Variants in PGM5 observed in about 807,000 individuals in gnomAD.
PGM5 encodes phosphoglucomutase 5.
In PGM5, 23 loss-of-function variants were observed where a neutral mutation model predicts 59.2. The observed-to-expected ratio is 0.39, with a 90% CI of 0.28 to 0.55. The LOEUF (loss-of-function observed/expected upper bound fraction) is 0.55, where lower values mean the gene tolerates loss of function less well. Among genes scored for constraint, PGM5 ranks in the 20% least tolerant of loss-of-function variants. The pLI is 0.66. For missense variants in PGM5, 574 were observed against 748.3 expected, an observed-to-expected ratio of 0.77 and a Z score of 2.72; for synonymous variants, 214 against 286.0, an observed-to-expected ratio of 0.75 and a Z score of 2.54.
chr9:68,391,334 T>C (rs1730002973), intron 4 of PGM5, among the ~76,000 whole-genome samples, 200 bp from the exon 5 acceptor site: 1 of 152,114 alleles, frequency 6.6e-6, no homozygotes, highest in Non-Finnish European at 1.5e-5. Flanking sequence ...TCTGTATTCC[T>C]ACCACAGTAA....
intron 1 of PGM5, among the ~76,000 whole-genome samples, chr9:68,358,220 T>C (rs1465277752): frequency 1.3e-4 from 20 of 152,244 alleles, no homozygotes; most frequent in Non-Finnish European, 2.2e-4. Context: ...CAACATTTCA[T>C]GCCTCTTCCC....
chr9:68,453,568 C>T (rs776832120), intron 6 of PGM5, among the ~76,000 whole-genome samples: 1 of 152,178 alleles, frequency 6.6e-6, no homozygotes, highest in Non-Finnish European at 1.5e-5. Flanking sequence ...AACTCCTGGG[C>T]TCAAGCTATC....
Position 68,500,868 on chromosome 9 carries a change from G to A in PGM5, c.1614+1507G>A, listed in dbSNP as rs147840584. ...ATTTGCTTATTTTTATTTACCCTCC[G>A]CACTGGACTGAGACCAGGCCATTAG... On this transcript the variant is annotated intron_variant, in intron 10 of 10. Coordinates refer to ENST00000396396, the MANE Select transcript of PGM5 (RefSeq NM_021965.4). 1.4e-3 allele frequency among the ~76,000 whole-genome samples: 207 copies of A among 152,080 alleles called. 1 individual carries two copies. The highest frequency in any genetic ancestry group is 4.8e-3 in the African/African-American group (200 of 41,474).
chr9:68,482,641 G>A lies in PGM5; in HGVS notation c.1296-1224G>A, dbSNP rs1032702798. ...ACATCCTTTCTCTATGCTACAGGAAGCCCAAATGTAAGATCCTCCAAGTGA... is the reference window on the plus strand; with the variant it reads ...ACATCCTTTCTCTATGCTACAGGAAACCCAAATGTAAGATCCTCCAAGTGA... On this transcript the variant is annotated intron_variant, in intron 8 of 10. Transcript: ENST00000396396. Among the ~76,000 whole-genome samples the A allele has an allele frequency of 5.3e-5, 8 of 152,200 alleles. No individual in the cohort carries two copies. The South Asian group carries it at 1.2e-3, about 24-fold the overall frequency.
At chr9:68,503,710 T>C (rs1453326703) in intron 10 of PGM5, among the ~76,000 whole-genome samples, 1 of 152,136 alleles carries the variant, frequency 6.6e-6, no homozygotes, top group African/African-American at 2.4e-5. Flanking sequence ...AGAGGGAACA[T>C]ACAGAAATGA....
chr9:68,414,727 A>C lies in PGM5; in HGVS notation c.1043+22254A>C, dbSNP rs531184505. On this transcript the variant is annotated intron_variant, in intron 6 of 10. Coordinates refer to ENST00000396396, the MANE Select transcript of PGM5 (RefSeq NM_021965.4). ...GTTAAGGTACACTGGTGGTACGAAG[A>C]AGGGACGAATCAGTTTTGCCTAAGA... 5.9e-5 allele frequency among the ~76,000 whole-genome samples: 9 copies of C among 151,904 alleles called. No homozygotes were observed. In the South Asian group the frequency reaches 1.9e-3, roughly 32 times the overall value.
chr9:68,451,618 G>GA (rs1222628398), intron 6 of PGM5, among the ~76,000 whole-genome samples: 1 of 152,256 alleles, frequency 6.6e-6, no homozygotes, highest in East Asian at 1.9e-4. Flanking sequence ...CACACAATTG[G>GA]AAAAAATAAA....
At chr9:68,406,672 A>ACC (rs1822818655) in intron 6 of PGM5, among the ~76,000 whole-genome samples, 2 of 6,508 alleles carry the variant, frequency 3.1e-4, no homozygotes, top group African/African-American at 1.3e-3. Flanking sequence ...ATATATATAT[A>ACC]TATATGTATA....
chr9:68,502,653 T>C (rs1230635550), intron 10 of PGM5, among the ~76,000 whole-genome samples: 2 of 152,180 alleles, frequency 1.3e-5, no homozygotes, highest in African/African-American at 4.8e-5. Context: ...CCCCCAGTCT[T>C]CCTGAAAATT....
chr9:68,458,452 A>G (rs1823811550), intron 6 of PGM5, among the ~76,000 whole-genome samples: 1 of 152,246 alleles, frequency 6.6e-6, no homozygotes, highest in Non-Finnish European at 1.5e-5. Context: ...TGAGACATGC[A>G]GTTATCTTTT....
intron 3 of PGM5, among the ~76,000 whole-genome samples, chr9:68,385,107 AT>A (rs1822181818): frequency 6.6e-6 from 1 of 151,978 alleles, no homozygotes; most frequent in Non-Finnish European, 1.5e-5. Flanking sequence ...CCAAAATGAG[AT>A]TGTCAAAAAT....
chr9:68,371,104 G>A lies in PGM5; in HGVS notation c.262-7095G>A, dbSNP rs201827889. On this transcript the variant is annotated intron_variant, in intron 1 of 10. Coordinates refer to ENST00000396396, the MANE Select transcript of PGM5 (RefSeq NM_021965.4). ...GGGTCCACTTTGCCCCCTTTTCCGCGTGGGAGTTGAAGGAAATGCCCCTTA... is the reference window on the plus strand; with the variant it reads ...GGGTCCACTTTGCCCCCTTTTCCGCATGGGAGTTGAAGGAAATGCCCCTTA... 5.9e-5 allele frequency among the ~76,000 whole-genome samples: 9 copies of A among 152,250 alleles called. No individual in the cohort carries two copies. In the East Asian group the frequency reaches 1.4e-3, roughly 23 times the overall value.
At chr9:68,429,970 A>G (rs1823314591) in intron 6 of PGM5, among the ~76,000 whole-genome samples, 1 of 152,226 alleles carries the variant, frequency 6.6e-6, no homozygotes, top group Non-Finnish European at 1.5e-5. Flanking sequence ...TGTTGCTGGA[A>G]GAAGGAACAG....
At chr9:68,526,324 T>A (rs1824973653) in intron 10 of PGM5, among the ~76,000 whole-genome samples, 1 of 152,206 alleles carries the variant, frequency 6.6e-6, no homozygotes, top group Non-Finnish European at 1.5e-5. Flanking sequence ...GGCTCTTGGC[T>A]CAGGATGGGA....
At chr9:68,473,890 C>T (rs903913004) in intron 7 of PGM5, among the ~76,000 whole-genome samples, 1 of 152,094 alleles carries the variant, frequency 6.6e-6, no homozygotes, top group African/African-American at 2.4e-5. Context: ...GAGAACCCCC[C>T]CATGTGAGCA....
chr9:68,499,458 A>G (rs921902236), intron 10 of PGM5, 97 bp downstream of exon 10: 6 of 1,246,614 alleles, frequency 4.8e-6, no homozygotes, highest in Non-Finnish European at 6.7e-6. Context: ...TACCTCCTGG[A>G]AAGGTACATG....
At chr9:68,453,093 G>A (rs1823722598) in intron 6 of PGM5, among the ~76,000 whole-genome samples, 1 of 152,206 alleles carries the variant, frequency 6.6e-6, no homozygotes, top group African/African-American at 2.4e-5. Flanking sequence ...GGTGCTCTGT[G>A]TAAATGTGAG....
At position 68,522,152 on chromosome 9, in the gene PGM5, G is replaced by A. The variant is rs1824908219; in HGVS notation, c.1615-7415G>A. On this transcript the variant is annotated intron_variant, in intron 10 of 10. Coordinates refer to ENST00000396396, the MANE Select transcript of PGM5 (RefSeq NM_021965.4). Reference sequence around the variant, plus strand: ...CACCTGTAATCCCAGCTACTCAGGAGGCTGGGGCAGTAGAATTGCTTGAAC... The same window carrying A: ...CACCTGTAATCCCAGCTACTCAGGAAGCTGGGGCAGTAGAATTGCTTGAAC... Among the ~76,000 whole-genome samples, 4 of 152,166 alleles carry A rather than the reference G, an allele frequency of 2.6e-5. No individual in the cohort carries two copies. In the South Asian group the frequency reaches 8.3e-4, roughly 31 times the overall value.
chr9:68,378,848 C>T (rs1396104679), intron 2 of PGM5, among the ~76,000 whole-genome samples: 3 of 150,988 alleles, frequency 2.0e-5, no homozygotes, highest in African/African-American at 7.3e-5. Flanking sequence ...ATATTCACAG[C>T]AATCTATAGT....
Sources: allele counts gnomAD v4.1 joint callset (sites outside exome capture counted in the v4.1 genomes callset), GRCh38; gene constraint gnomAD v4.1.1; transcripts MANE v1.5; gene names NCBI Gene and HGNC (gene_info 2026-07-23, HGNC 2026-07-21).